Variants in TDRD7 observed in about 807,000 individuals in gnomAD.
TDRD7 encodes tudor domain containing 7.
A neutral mutation model predicts 109.8 loss-of-function variants in TDRD7; 47 were observed. The ratio of observed to expected loss-of-function variants is 0.43; its 90% confidence interval spans 0.34 to 0.55. The LOEUF (loss-of-function observed/expected upper bound fraction) is 0.55, where lower values mean the gene tolerates loss of function less well. TDRD7 is among the 20% of genes least tolerant of loss of function. The pLI is 0.03. For synonymous variants in TDRD7, 424 were observed against 457.3 expected (o/e 0.93, Z 0.93); for missense variants, 1,164 against 1,319.2 (o/e 0.88, Z 1.82).
chr9:97,453,241 C>T (rs1178876010), intron 6 of TDRD7, among the ~76,000 whole-genome samples: 2 of 152,112 alleles, frequency 1.3e-5, no homozygotes, highest in Non-Finnish European at 2.9e-5. Flanking sequence ...TTTACAGGCT[C>T]ATCTGGGTTT....
At chr9:97,465,627 G>A (rs1327340782) in intron 8 of TDRD7, among the ~76,000 whole-genome samples, 1 of 152,156 alleles carries the variant, frequency 6.6e-6, no homozygotes, top group African/African-American at 2.4e-5. Context: ...CCTGAGAGCG[G>A]TAGTGTCTCA....
chr9:97,466,889 T>G (rs1015808492), intron 8 of TDRD7, among the ~76,000 whole-genome samples: 1 of 152,210 alleles, frequency 6.6e-6, no homozygotes, highest in African/African-American at 2.4e-5. Context: ...GATGTATACA[T>G]TGATCAAAGC....
chr9:97,471,921 G>C (rs1011707891), intron 9 of TDRD7, among the ~76,000 whole-genome samples: 4 of 152,142 alleles, frequency 2.6e-5, no homozygotes, highest in African/African-American at 4.8e-5. Flanking sequence ...TGTAGGAAGT[G>C]CATTACAAAC....
At chr9:97,466,002 A>C (rs1214578088) in intron 8 of TDRD7, among the ~76,000 whole-genome samples, 2 of 152,142 alleles carry the variant, frequency 1.3e-5, no homozygotes, top group Non-Finnish European at 2.9e-5. Flanking sequence ...TGTGAGGGGA[A>C]TGTATCTAAG....
chr9:97,449,784 G>T (rs1361478103), intron 6 of TDRD7, among the ~76,000 whole-genome samples: 3 of 152,156 alleles, frequency 2.0e-5, no homozygotes, highest in Non-Finnish European at 4.4e-5. Context: ...TTTCTGGTAA[G>T]CAGCCCTACC....
chr9:97,495,728 C>T lies in TDRD7; in HGVS notation c.3142C>T (p.Pro1048Ser). The T allele has an allele frequency of 1.9e-6, 3 of 1,614,162 alleles. No individual in the cohort carries two copies. The highest frequency in any genetic ancestry group is 2.5e-6 in the Non-Finnish European group (3 of 1,180,032). Reference protein sequence around the residue: ...MVFRNHVEKKPLVALVQTVIE... With the variant: ...MVFRNHVEKKSLVALVQTVIE... ...GTTTCGAAATCATGTGGAGAAGAAA[C>T]CTCTGGTGGCACTGGTGCAGACAGT... Residue 1048 changes from proline to serine, a missense_variant, in exon 17 of 17, where the codon CCT becomes TCT. Around this residue, in one of 5 missense-constraint regions of TDRD7, gnomAD observed 162 missense variants for 222.5 expected, o/e 0.73. Transcript: ENST00000355295.
At chr9:97,457,430 G>A (rs562085928) in intron 6 of TDRD7, among the ~76,000 whole-genome samples, 8 of 151,924 alleles carry the variant, frequency 5.3e-5, no homozygotes, top group Admixed American at 1.3e-4. Flanking sequence ...CTGGGCTGGC[G>A]TGCAATGGCA....
At chr9:97,456,527 A>C (rs1332787063) in intron 6 of TDRD7, among the ~76,000 whole-genome samples, 2 of 152,188 alleles carry the variant, frequency 1.3e-5, no homozygotes, top group African/African-American at 4.8e-5. Context: ...AACACCACAC[A>C]TCTACAACCA....
chr9:97,421,028 G>C (rs937261325), intron 1 of TDRD7, among the ~76,000 whole-genome samples: 1 of 151,898 alleles, frequency 6.6e-6, no homozygotes. Flanking sequence ...CCAGCAACTC[G>C]GGAGGCTGAG....
At chr9:97,416,304 A>G (rs1283146612) in intron 1 of TDRD7, among the ~76,000 whole-genome samples, 1 of 152,260 alleles carries the variant, frequency 6.6e-6, no homozygotes, top group East Asian at 1.9e-4. Flanking sequence ...CTCCTCAAGT[A>G]TGAGGCCATT....
intron 6 of TDRD7, among the ~76,000 whole-genome samples, chr9:97,449,198 C>T (rs552582780): frequency 1.6e-4 from 25 of 152,260 alleles, no homozygotes; most frequent in African/African-American, 5.8e-4. Context: ...CACACCACAA[C>T]AATCAACACA....
intron 6 of TDRD7, among the ~76,000 whole-genome samples, chr9:97,453,346 G>A (rs1828533984): frequency 6.6e-6 from 1 of 151,944 alleles, no homozygotes; most frequent in Admixed American, 6.6e-5. Flanking sequence ...ACACAATGGT[G>A]GTCCCATAAG....
At chr9:97,415,579 C>G (rs1173153083) in intron 1 of TDRD7, among the ~76,000 whole-genome samples, 1 of 152,176 alleles carries the variant, frequency 6.6e-6, no homozygotes, top group African/African-American at 2.4e-5. Context: ...AACTCCCCAC[C>G]CCACCTCATG....
intron 8 of TDRD7, among the ~76,000 whole-genome samples, chr9:97,469,393 G>T (rs530905697): frequency 6.6e-6 from 1 of 152,188 alleles, no homozygotes; most frequent in Non-Finnish European, 1.5e-5. Flanking sequence ...AGGTAGACAG[G>T]CCCCACAGGC....
chr9:97,462,198 A>G (rs1828737814), intron 7 of TDRD7, among the ~76,000 whole-genome samples: 1 of 152,212 alleles, frequency 6.6e-6, no homozygotes, highest in Non-Finnish European at 1.5e-5. Flanking sequence ...ATCCTTTGGT[A>G]TCTGTAACTA....
chr9:97,477,720 A>G (rs1174374607), intron 12 of TDRD7, among the ~76,000 whole-genome samples: 1 of 152,142 alleles, frequency 6.6e-6, no homozygotes, highest in African/African-American at 2.4e-5. Context: ...AGTTATACAA[A>G]TAATTGCAAA....
At chr9:97,465,291 A>G (rs1264643351) in intron 8 of TDRD7, among the ~76,000 whole-genome samples, 2 of 152,204 alleles carry the variant, frequency 1.3e-5, no homozygotes, top group Non-Finnish European at 2.9e-5. Flanking sequence ...CAATCAGGGA[A>G]AGACACTTCC....
intron 5 of TDRD7, among the ~76,000 whole-genome samples, chr9:97,441,414 T>C (rs879553627): frequency 6.6e-6 from 1 of 152,142 alleles, no homozygotes; most frequent in Non-Finnish European, 1.5e-5. Context: ...CCTTGCAAAA[T>C]AAAGGGACTA....
At chr9:97,480,648 A>G in intron 13 of TDRD7, 180 bp from the exon 14 acceptor site, 1 of 645,536 alleles carries the variant, frequency 1.5e-6, no homozygotes, top group Non-Finnish European at 2.8e-6. Flanking sequence ...TAGTAGTTAT[A>G]TAAATAGAGT....
Sources: allele counts gnomAD v4.1 joint callset (sites outside exome capture counted in the v4.1 genomes callset), GRCh38; gene constraint gnomAD v4.1.1; regional missense constraint gnomAD v4.1.1; transcripts MANE v1.5; gene names NCBI Gene and HGNC (gene_info 2026-07-23, HGNC 2026-07-21).